Variants in ADK observed in about 807,000 individuals in gnomAD.
ADK encodes the protein N6,N6-dimethyladenosine kinase.
Under a neutral mutation model 44.7 loss-of-function variants are expected in ADK, and 24 were observed. The observed-to-expected ratio is 0.54, with a 90% confidence interval of 0.39 to 0.76. The LOEUF is 0.76. Among genes scored for constraint, ADK ranks in the 30% least tolerant of loss-of-function variants. ADK has a pLI of 0.00. For missense variants in ADK, 321 were observed against 425.1 expected (o/e 0.76, Z 2.15); for synonymous variants, 128 against 142.6 (o/e 0.90, Z 0.73).
At chr10:74,284,683 C>G (rs1349684095) in intron 3 of ADK, among the ~76,000 whole-genome samples, 1 of 152,238 alleles carries the variant, frequency 6.6e-6, no homozygotes, top group Non-Finnish European at 1.5e-5. Flanking sequence ...CCTACTACCA[C>G]ATAAATTAAC....
chr10:74,290,076 G>A (rs868239870), intron 3 of ADK, among the ~76,000 whole-genome samples: 741 of 63,624 alleles, frequency 0.012, 9 homozygotes, highest in African/African-American at 0.034. Flanking sequence ...AACTACTCAC[G>A]CGCACACACA....
intron 3 of ADK, among the ~76,000 whole-genome samples, chr10:74,232,256 C>T (rs1352590864): frequency 2.0e-5 from 3 of 152,090 alleles, no homozygotes; most frequent in Admixed American, 1.3e-4. Context: ...TGGTAGCTCA[C>T]GCCTGTAGTC....
At chr10:74,586,950 A>G (rs921452712) in intron 7 of ADK, among the ~76,000 whole-genome samples, 1 of 151,722 alleles carries the variant, frequency 6.6e-6, no homozygotes. Flanking sequence ...TTTTACAGTT[A>G]ATTTCTTATA....
At chr10:74,696,048 T>C (rs1160702212) in intron 10 of ADK, among the ~76,000 whole-genome samples, 2 of 151,976 alleles carry the variant, frequency 1.3e-5, no homozygotes, top group African/African-American at 2.4e-5. Flanking sequence ...TGATACAGAG[T>C]CTTACTCTGT....
At chr10:74,671,153 A>G (rs1855164886) in intron 10 of ADK, among the ~76,000 whole-genome samples, 1 of 149,622 alleles carries the variant, frequency 6.7e-6, no homozygotes, top group South Asian at 2.1e-4. Flanking sequence ...TTAACTTAAT[A>G]TTTTATTTTA....
intron 6 of ADK, among the ~76,000 whole-genome samples, chr10:74,476,405 T>C (rs1240362964): frequency 6.6e-6 from 1 of 151,938 alleles, no homozygotes; most frequent in Non-Finnish European, 1.5e-5. Context: ...GGCAAGAGAA[T>C]TGCTTGAACC....
At chr10:74,584,390 TACA>T (rs988581208) in intron 7 of ADK, among the ~76,000 whole-genome samples, 1 of 152,170 alleles carries the variant, frequency 6.6e-6, no homozygotes, top group African/African-American at 2.4e-5. Flanking sequence ...GGCTCAAGAT[TACA>T]TAGCAAATAA....
intron 6 of ADK, among the ~76,000 whole-genome samples, chr10:74,406,980 C>T (rs920711556): frequency 2.1e-5 from 3 of 143,498 alleles, no homozygotes; most frequent in Non-Finnish European, 4.6e-5. Flanking sequence ...TGCCTGGCCT[C>T]TTTCTTTTTT....
chr10:74,234,967 A>G (rs936360449), intron 3 of ADK, among the ~76,000 whole-genome samples: 5 of 152,176 alleles, frequency 3.3e-5, no homozygotes, highest in Non-Finnish European at 7.4e-5. Context: ...ATACAAAATA[A>G]AACTTTCTTC....
Position 74,486,382 on chromosome 10 carries a change from T to C in ADK, c.556-38874T>C, listed in dbSNP as rs555740349. Among the ~76,000 whole-genome samples, 93 of 152,154 alleles carry C rather than the reference T, an allele frequency of 6.1e-4. 1 individual carries two copies. Among genetic ancestry groups the C allele is most frequent in the Admixed American group, 1.6e-3 (25 of 15,264 alleles). On this transcript the variant is annotated intron_variant, in intron 6 of 10. Coordinates refer to ENST00000539909, the MANE Select transcript of ADK (RefSeq NM_006721.4). ...TCTTGGGCAGTACTTTATAACCGTG[T>C]GAGAACAGACTAATACAACTGGATA...
At chr10:74,570,213 C>T (rs1286987066) in intron 7 of ADK, among the ~76,000 whole-genome samples, 1 of 152,016 alleles carries the variant, frequency 6.6e-6, no homozygotes, top group Non-Finnish European at 1.5e-5. Context: ...AGCGTGATGC[C>T]TCCAGCTTTG....
intron 7 of ADK, among the ~76,000 whole-genome samples, chr10:74,580,204 T>C (rs1257929185): frequency 6.6e-6 from 1 of 152,138 alleles, no homozygotes; most frequent in East Asian, 1.9e-4. Flanking sequence ...TGGGAGGTAA[T>C]TGAATCATGG....
intron 7 of ADK, among the ~76,000 whole-genome samples, chr10:74,548,028 G>A (rs1418640141): frequency 1.3e-5 from 2 of 152,190 alleles, no homozygotes; most frequent in Non-Finnish European, 2.9e-5. Flanking sequence ...TCCTGACCTT[G>A]TGATCCACCT....
chr10:74,210,849 T>C (rs964045744), intron 2 of ADK, among the ~76,000 whole-genome samples: 7 of 152,214 alleles, frequency 4.6e-5, no homozygotes, highest in Non-Finnish European at 1.0e-4. Context: ...ATTGTTTTGC[T>C]TTAAAATGAA....
At chr10:74,520,621 T>A (rs1848779553) in intron 6 of ADK, among the ~76,000 whole-genome samples, 1 of 151,998 alleles carries the variant, frequency 6.6e-6, no homozygotes, top group African/African-American at 2.4e-5. Context: ...AAAGGGCAAT[T>A]TTTTCCTTTA....
At chr10:74,176,565 A>G (rs1842345448) in intron 1 of ADK, 6 of 1,348,214 alleles carry the variant, frequency 4.5e-6, no homozygotes, top group Non-Finnish European at 5.7e-6. Flanking sequence ...CTAGGACTCA[A>G]GATGGCCACC....
At chr10:74,352,761 A>C (rs1384780727) in intron 4 of ADK, among the ~76,000 whole-genome samples, 1 of 152,256 alleles carries the variant, frequency 6.6e-6, no homozygotes, top group Non-Finnish European at 1.5e-5. Flanking sequence ...TGGGCAAAGG[A>C]TATGAATGGA....
chr10:74,228,048 T>A (rs188835979), intron 3 of ADK, among the ~76,000 whole-genome samples: 103 of 152,204 alleles, frequency 6.8e-4, no homozygotes, highest in African/African-American at 2.4e-3. Context: ...GAGAGTACAA[T>A]GATAGTTCTA....
chr10:74,322,813 C>T (rs1330639769), intron 4 of ADK, among the ~76,000 whole-genome samples: 1 of 151,364 alleles, frequency 6.6e-6, no homozygotes, highest in Non-Finnish European at 1.5e-5. Flanking sequence ...CATCTCTTTC[C>T]CTTCTCCTCC....
Sources: allele counts gnomAD v4.1 joint callset (sites outside exome capture counted in the v4.1 genomes callset), GRCh38; gene constraint gnomAD v4.1.1; transcripts MANE v1.5; gene names NCBI Gene and HGNC (gene_info 2026-07-23, HGNC 2026-07-21).